AVEN: variants seen among roughly 807,000 people sequenced by gnomAD.
The protein encoded by AVEN is cell death regulator Aven.
AVEN carries 41 observed loss-of-function variants against 38.1 expected under a neutral mutation model. The ratio of observed to expected loss-of-function variants is 1.08; its 90% CI spans 0.84 to 1.40. The LOEUF is 1.40. Among genes scored for constraint, AVEN ranks in the 40% most tolerant of loss-of-function variants. The pLI, the probability that AVEN is intolerant of heterozygous loss-of-function variation, is 0.00. For missense variants in AVEN, 605 were observed against 438.8 expected, an observed-to-expected ratio of 1.38 and a Z score of -3.38; for synonymous variants, 206 against 171.8, an observed-to-expected ratio of 1.20 and a Z score of -1.56.
chr15:33,978,999 G>C (rs925407134), intron 2 of AVEN, among the ~76,000 whole-genome samples: 1 of 152,058 alleles, frequency 6.6e-6, no homozygotes, highest in Admixed American at 6.6e-5. Flanking sequence ...GGGACCTACT[G>C]GCTCATATAA....
rs1900413940 is a variant in AVEN at position 34,063,376 on chromosome 15, CAG to C, written n.1181_1182del. The stretch of plus-strand genomic sequence containing the variant: ...CTCTACTGTCGAATCTACCGGGAAA[CAG>C]AGAAGCGAACCAAGGACCTGGCTGA... On this transcript the variant is annotated non_coding_transcript_exon_variant, in exon 5 of 12. Coordinates refer to the AVEN transcript ENST00000675287. This position sits in a 1 kb window ranked among gnomAD's most constrained non-coding sequence, Gnocchi z 4.1. The C allele has an allele frequency of 1.9e-6, 3 of 1,614,016 alleles. No individual in the cohort carries two copies. The highest frequency in any genetic ancestry group is 1.3e-5 in the African/African-American group (1 of 74,940).
At chr15:33,853,544 C>G in the AVEN span, 1 of 1,612,346 alleles carries the variant, frequency 6.2e-7, no homozygotes, top group African/African-American at 1.3e-5. Flanking sequence ...CCCTGTCATC[C>G]TTTGCTTCAG....
intron 5 of AVEN, among the ~76,000 whole-genome samples, chr15:34,050,592 G>A (rs1899896774): frequency 6.6e-6 from 1 of 152,134 alleles, no homozygotes; most frequent in Admixed American, 6.5e-5. Flanking sequence ...TCAGTATGCT[G>A]TCTTCAAGAG....
downstream of AVEN, among the ~76,000 whole-genome samples, chr15:33,863,885 G>A (rs902873660): frequency 6.6e-6 from 1 of 152,160 alleles, no homozygotes; most frequent in Non-Finnish European, 1.5e-5. Context: ...TACCTTGCAA[G>A]TGATCTTACT....
intron 5 of AVEN, chr15:34,062,586 G>A (rs1900377183): frequency 1.1e-5 from 7 of 666,564 alleles, no homozygotes; most frequent in African/African-American, 1.8e-5. Flanking sequence ...TATAAACAAT[G>A]GATGGACAAG....
At chr15:33,861,248 C>T, downstream of AVEN, 1 of 1,140,894 alleles carries the variant, frequency 8.8e-7, no homozygotes, top group Non-Finnish European at 1.3e-6. Context: ...TCATATAGTT[C>T]AGTCTCTGCT....
intron 5 of AVEN, among the ~76,000 whole-genome samples, chr15:34,058,555 A>ACACACAC (rs4041434): frequency 2.8e-5 from 4 of 143,180 alleles, no homozygotes; most frequent in Non-Finnish European, 4.6e-5. Flanking sequence ...CTTTAATTCT[A>ACACACAC]ACACACACAC....
At chr15:33,890,168 T>C (rs1277613736) in intron 2 of AVEN, among the ~76,000 whole-genome samples, 6 of 152,204 alleles carry the variant, frequency 3.9e-5, no homozygotes, top group Non-Finnish European at 8.8e-5. Flanking sequence ...ATACACATTA[T>C]ATGTTCAGTA....
chr15:33,857,961 C>T (rs565442588), downstream of AVEN: 3 of 1,600,852 alleles, frequency 1.9e-6, no homozygotes, highest in Non-Finnish European at 2.6e-6. Flanking sequence ...TGCGGGGCCA[C>T]CCCGCCCCAC....
chr15:33,984,454 G>A lies in AVEN; in HGVS notation c.445+18578C>T, dbSNP rs543228535. 2.6e-5 allele frequency among the ~76,000 whole-genome samples: 4 copies of A among 151,742 alleles called. No homozygotes were observed. In the East Asian group the frequency reaches 7.7e-4, roughly 29 times the overall value. On this transcript the variant is annotated intron_variant, in intron 2 of 5. Transcript: ENST00000306730. Reference sequence around the variant, plus strand: ...TTTCACTCTTGTTGCTCAGGCTGGAGTGCAATGGCATGATCTCGGCTCACT... The same window carrying A: ...TTTCACTCTTGTTGCTCAGGCTGGAATGCAATGGCATGATCTCGGCTCACT...
rs1365038917 is a variant in AVEN, at chr15:34,063,417, G to T, written n.1142C>A. 1 of 1,613,926 alleles carries T rather than the reference G, an allele frequency of 6.2e-7. No homozygotes were observed. Among genetic ancestry groups the T allele is most frequent in the East Asian group, 2.2e-5 (1 of 44,876 alleles). On this transcript the variant is annotated non_coding_transcript_exon_variant, in exon 5 of 12. Coordinates refer to the AVEN transcript ENST00000675287. This position sits in a 1 kb window ranked among gnomAD's most constrained non-coding sequence, Gnocchi z 4.1. ...GGACCTGGCTGACCTCCAGGGTTCTGACTCTGTGACCAAAGCTGAGAAGAG... is the reference window on the plus strand; with the variant it reads ...GGACCTGGCTGACCTCCAGGGTTCTTACTCTGTGACCAAAGCTGAGAAGAG...
At chr15:33,943,694 G>A (rs1376221791) in intron 2 of AVEN, among the ~76,000 whole-genome samples, 5 of 152,104 alleles carry the variant, frequency 3.3e-5, no homozygotes, top group African/African-American at 1.2e-4. Context: ...GTGTGGTGGC[G>A]CACGCCTATA....
At chr15:33,922,441 T>TAA (rs141916341) in intron 2 of AVEN, among the ~76,000 whole-genome samples, 61 of 151,786 alleles carry the variant, frequency 4.0e-4, no homozygotes, top group African/African-American at 1.4e-3. Context: ...ACACTTTTTT[T>TAA]TCTCTTATTT....
chr15:33,928,035 A>G (rs574157306), intron 2 of AVEN, among the ~76,000 whole-genome samples: 2 of 152,350 alleles, frequency 1.3e-5, no homozygotes, highest in South Asian at 4.1e-4. Context: ...GAGAAGAAAC[A>G]GGTTTGGAAT....
intron 4 of AVEN, among the ~76,000 whole-genome samples, chr15:33,868,823 C>T (rs574387184): frequency 2.6e-5 from 4 of 152,242 alleles, no homozygotes; most frequent in Admixed American, 2.6e-4. Context: ...TGACAATATT[C>T]TAAGTCTTTA....
intron 2 of AVEN, among the ~76,000 whole-genome samples, chr15:33,927,340 T>C (rs918936719): frequency 2.0e-5 from 3 of 152,044 alleles, no homozygotes; most frequent in African/African-American, 7.2e-5. Context: ...CAGTGCCCAG[T>C]AAATGGAAAG....
intron 3 of AVEN, among the ~76,000 whole-genome samples, chr15:33,872,081 G>A (rs560846572): frequency 2.0e-5 from 3 of 152,314 alleles, no homozygotes; most frequent in Non-Finnish European, 4.4e-5. Context: ...ACATCTGGCT[G>A]CAGACAGGAG....
At chr15:33,987,219 T>C (rs1482169793) in intron 2 of AVEN, among the ~76,000 whole-genome samples, 2 of 152,242 alleles carry the variant, frequency 1.3e-5, no homozygotes, top group African/African-American at 2.4e-5. Flanking sequence ...TGACTAAGAA[T>C]GTACAATGCA....
At chr15:33,891,206 G>C (rs1891940073) in intron 2 of AVEN, among the ~76,000 whole-genome samples, 1 of 150,300 alleles carries the variant, frequency 6.7e-6, no homozygotes, top group South Asian at 2.1e-4. Context: ...CAGAAATTTT[G>C]TTTTATATTG....
Sources: allele counts gnomAD v4.1 joint callset (sites outside exome capture counted in the v4.1 genomes callset), GRCh38; gene constraint gnomAD v4.1.1; non-coding constraint Gnocchi (gnomAD v3.1); transcripts MANE v1.5; gene names NCBI Gene and HGNC (gene_info 2026-07-23, HGNC 2026-07-21).